SOBP: variants seen among roughly 807,000 people sequenced by gnomAD.
SOBP encodes sine oculis-binding protein homolog.
A neutral mutation model predicts 53.6 loss-of-function variants in SOBP; 4 were observed. The observed-to-expected ratio is 0.07, with a 90% CI of 0.04 to 0.17. The LOEUF (loss-of-function observed/expected upper bound fraction) is 0.17, where lower values mean the gene tolerates loss of function less well. Ranked by LOEUF, SOBP falls within the 10% of genes least tolerant of loss-of-function variation. The pLI is 1.00. For missense variants in SOBP, 1,088 were observed against 1,204.7 expected (o/e 0.90, Z 1.43); for synonymous variants, 584 against 522.6 (o/e 1.12, Z -1.60).
chr6:107,553,350 A>G (rs1164467206), intron 4 of SOBP, among the ~76,000 whole-genome samples: 1 of 143,172 alleles, frequency 7.0e-6, no homozygotes, highest in African/African-American at 2.5e-5. Context: ...TTATTTTGAG[A>G]CAGAGTCTCA....
intron 1 of SOBP, among the ~76,000 whole-genome samples, chr6:107,500,219 C>T (rs902848329): frequency 6.6e-6 from 1 of 151,912 alleles, no homozygotes; most frequent in Non-Finnish European, 1.5e-5. Flanking sequence ...TGGTGAGCCC[C>T]GTCTCTACAA....
At chr6:107,565,834 A>G (rs1016327157) in intron 4 of SOBP, among the ~76,000 whole-genome samples, 27 of 152,194 alleles carry the variant, frequency 1.8e-4, no homozygotes, top group African/African-American at 6.5e-4. Flanking sequence ...TACAAAAGGA[A>G]ATTGGAATGG....
Position 107,635,516 on chromosome 6 carries a change from T to C in SOBP, c.*3+47T>C, listed in dbSNP as rs769172007. ...TCCTCCACACCAGCCAGTGCACCTC[T>C]CCTTACTTCTGACAAGGCAGAGGGG... On this transcript the variant is annotated intron_variant, in intron 6 of 6. Coordinates refer to ENST00000317357, the MANE Select transcript of SOBP (RefSeq NM_018013.4). The surrounding 1 kb of genome is among the most constrained non-coding windows in gnomAD (Gnocchi z 4.5). 87 of 1,607,414 alleles carry C rather than the reference T, an allele frequency of 5.4e-5. No homozygotes were observed. Among genetic ancestry groups the C allele is most frequent in the Non-Finnish European group, 6.8e-5 (80 of 1,178,576 alleles).
At chr6:107,567,327 C>G (rs767617800) in intron 4 of SOBP, among the ~76,000 whole-genome samples, 16 of 152,150 alleles carry the variant, frequency 1.1e-4, no homozygotes, top group Admixed American at 1.0e-3. Context: ...TGAAATCTTA[C>G]CTATGGTACT....
intron 4 of SOBP, among the ~76,000 whole-genome samples, chr6:107,569,581 G>T (rs1434293497): frequency 1.3e-5 from 2 of 152,182 alleles, no homozygotes; most frequent in Admixed American, 1.3e-4. Context: ...CATCTTATAA[G>T]TCACAGTCTA....
rs1324210003 is a variant in SOBP at position 107,658,648 on chromosome 6, A to G, written c.*445A>G. Reference sequence around the variant, plus strand: ...AAAACTGCTGTGGTTTTGCTGCTACACTAAGAATTGTGATTTGCATTGTAC... The same window carrying G: ...AAAACTGCTGTGGTTTTGCTGCTACGCTAAGAATTGTGATTTGCATTGTAC... On this transcript the variant is annotated 3_prime_UTR_variant, in exon 7 of 7. Coordinates refer to ENST00000317357, the MANE Select transcript of SOBP (RefSeq NM_018013.4). 1 of 152,624 alleles carries G rather than the reference A, an allele frequency of 6.6e-6. No homozygotes were observed. Among genetic ancestry groups the G allele is most frequent in the East Asian group, 1.9e-4 (1 of 5,202 alleles). The allele number at this position is 152,624 out of a possible 1,614,324, so 9.5% of individuals were successfully genotyped here.
rs929041527 is a variant in SOBP at position 107,490,536 on chromosome 6, T to TCCA, written c.-78_-76dup. 9.9e-7 allele frequency: 1 copy of TCCA among 1,014,364 alleles called. No homozygotes were observed. The highest frequency in any genetic ancestry group is 2.1e-5 in the Admixed American group (1 of 48,656). 62.8% of individuals were successfully genotyped at this position (1,014,364 alleles called of 1,614,324 possible). ...CAGCCTCGCCACCATCAGCACCACC[T>TCCA]CCACCGCCGCCGCCGCCGCCACCAC... On this transcript the variant is annotated 5_prime_UTR_variant, in exon 1 of 7. Transcript: ENST00000317357.
At chr6:107,607,933 A>G (rs1786448699) in intron 5 of SOBP, among the ~76,000 whole-genome samples, 1 of 152,148 alleles carries the variant, frequency 6.6e-6, no homozygotes, top group African/African-American at 2.4e-5. Flanking sequence ...GTTTGTAGCC[A>G]TGAATGTGCT....
At chr6:107,619,077 C>T (rs1562104855) in intron 5 of SOBP, among the ~76,000 whole-genome samples, 2 of 152,018 alleles carry the variant, frequency 1.3e-5, no homozygotes, top group Non-Finnish European at 2.9e-5. Flanking sequence ...GCGGAGGGGC[C>T]CATGTGTAGG....
rs770249485 is a variant in SOBP, at chr6:107,634,467, C to A, written c.1623C>A (p.Ile541=). 6.2e-7 allele frequency: 1 copy of A among 1,611,240 alleles called. No individual in the cohort carries two copies. The highest frequency in any genetic ancestry group is 8.5e-7 in the Non-Finnish European group (1 of 1,179,912). Residue 541 remains isoleucine (I), a synonymous_variant, in exon 6 of 7, where the codon ATC becomes ATA. Coordinates refer to ENST00000317357, the MANE Select transcript of SOBP (RefSeq NM_018013.4). This position sits in a 1 kb window ranked among gnomAD's most constrained non-coding sequence, Gnocchi z 4.5. ...TACCGGTGCCCATCCCCATCCCCATCCCTATCCCTCACGTCAGCGACTCCA... is the reference window on the plus strand; with the variant it reads ...TACCGGTGCCCATCCCCATCCCCATACCTATCCCTCACGTCAGCGACTCCA... ...VPLPVPIPIP[I]PIPHVSDSKP...
intron 4 of SOBP, among the ~76,000 whole-genome samples, chr6:107,581,142 C>T (rs1785389531): frequency 6.6e-6 from 1 of 152,122 alleles, no homozygotes; most frequent in Admixed American, 6.5e-5. Context: ...GTGGGAGAGG[C>T]AGACACACAC....
intron 6 of SOBP, among the ~76,000 whole-genome samples, chr6:107,650,362 C>T (rs976665539): frequency 2.0e-5 from 3 of 152,200 alleles, no homozygotes; most frequent in African/African-American, 7.2e-5. Flanking sequence ...GCAGGCATAT[C>T]TCACTTTATC....
chr6:107,499,322 A>G (rs1034871744), intron 1 of SOBP, among the ~76,000 whole-genome samples: 1 of 152,224 alleles, frequency 6.6e-6, no homozygotes, highest in African/African-American at 2.4e-5. Flanking sequence ...ATATAGGTTC[A>G]CCAAAAGTTT....
chr6:107,539,110 C>G (rs1037425116), intron 4 of SOBP, among the ~76,000 whole-genome samples: 8 of 152,142 alleles, frequency 5.3e-5, no homozygotes, highest in African/African-American at 1.9e-4. Flanking sequence ...TTGAGAAACT[C>G]TGGTCTAAGG....
rs754845955 is a variant in SOBP, at chr6:107,634,280, C to A, written c.1436C>A (p.Pro479Gln). 3 of 1,557,728 alleles carry A rather than the reference C, an allele frequency of 1.9e-6. No homozygotes were observed. In the South Asian group the frequency reaches 3.5e-5, roughly 18 times the overall value. ...AACCCCCCAGGCCTGCTGCCCCCGC[C>A]GCCTCCGGGCGCCCCGCTGCCGAGT... is the stretch of plus-strand genomic sequence containing the variant. ...PGNPPGLLPPPPPGAPLPSLP... is the reference protein window; with the variant it reads ...PGNPPGLLPPQPPGAPLPSLP... Residue 479 changes from proline to glutamine, a missense_variant, in exon 6 of 7, where the codon CCG becomes CAG. This residue lies in a region of SOBP where 665 missense variants were observed against 629.7 expected (regional missense o/e 1.06). Transcript: ENST00000317357. This position sits in a 1 kb window ranked among gnomAD's most constrained non-coding sequence, Gnocchi z 4.5.
intron 4 of SOBP, among the ~76,000 whole-genome samples, chr6:107,574,367 A>G (rs1182902693): frequency 6.6e-6 from 1 of 152,214 alleles, no homozygotes. Context: ...TGATTAGGCA[A>G]GAACCATAGG....
intron 5 of SOBP, among the ~76,000 whole-genome samples, chr6:107,597,155 T>C (rs1191680178): frequency 6.6e-6 from 1 of 152,172 alleles, no homozygotes; most frequent in Non-Finnish European, 1.5e-5. Flanking sequence ...AAACCAGAGA[T>C]GGGAAGGGAG....
chr6:107,588,956 G>T (rs4245532), intron 5 of SOBP, among the ~76,000 whole-genome samples: 15,818 of 152,142 alleles, frequency 0.1, 1,382 homozygotes, highest in East Asian at 0.44. Flanking sequence ...TCTCCAAGGA[G>T]AAATTTAATT....
At position 107,660,240 on chromosome 6, in the gene SOBP, T is replaced by C. The variant is rs1772242071; in HGVS notation, c.*2037T>C. 6.6e-6 allele frequency: 1 copy of C among 152,414 alleles called. No individual in the cohort carries two copies. Among genetic ancestry groups the C allele is most frequent in the Non-Finnish European group, 1.5e-5 (1 of 68,022 alleles). The allele number at this position is 152,414 out of a possible 1,614,324, so 9.4% of individuals were successfully genotyped here. ...ACAGAGGTGTTCATTTTTCTCCCCC[T>C]GGGAAACATTTTAAAAAATAGAACT... On this transcript the variant is annotated 3_prime_UTR_variant, in exon 7 of 7. Transcript: ENST00000317357.
Sources: allele counts gnomAD v4.1 joint callset (sites outside exome capture counted in the v4.1 genomes callset), GRCh38; gene constraint gnomAD v4.1.1; regional missense constraint gnomAD v4.1.1; non-coding constraint Gnocchi (gnomAD v3.1); transcripts MANE v1.5; gene names NCBI Gene and HGNC (gene_info 2026-07-23, HGNC 2026-07-21).